Variants in PRKAA1 observed in about 807,000 individuals in gnomAD.
The protein encoded by PRKAA1 is 5'-AMP-activated protein kinase catalytic subunit alpha-1.
In PRKAA1, 23 loss-of-function variants were observed where a neutral mutation model predicts 56.9. The observed-to-expected ratio is 0.40, with a 90% CI of 0.29 to 0.57. The LOEUF (loss-of-function observed/expected upper bound fraction) is 0.57, where lower values mean the gene tolerates loss of function less well. PRKAA1 is among the 20% of genes least tolerant of loss of function. The probability of loss-of-function intolerance (pLI) is 0.39; values close to 1 mark genes in which losing one functional copy is unlikely to be tolerated. For missense variants in PRKAA1, 413 were observed against 679.7 expected (o/e 0.61, Z 4.36); for synonymous variants, 226 against 227.0 (o/e 1.00, Z 0.04).
chr5:40,781,134 G>A (rs914032163), intron 1 of PRKAA1, among the ~76,000 whole-genome samples: 1 of 152,064 alleles, frequency 6.6e-6, no homozygotes, highest in Non-Finnish European at 1.5e-5. Flanking sequence ...TTCAACATTT[G>A]GGATTTTAAT....
At position 40,768,533 on chromosome 5, in the gene PRKAA1, T is replaced by TA. The variant is rs1056117140; in HGVS notation, c.597-844dup. On this transcript the variant is annotated intron_variant, in intron 5 of 8. Transcript: ENST00000397128. ...TAATTTTTGACATTAAGTTAATATT[T>TA]AAAAAAAAGATGAAACTTGACAAAT... 71 of 974,496 alleles carry TA rather than the reference T, an allele frequency of 7.3e-5. 1 individual carries two copies. Among genetic ancestry groups the TA allele is most frequent in the East Asian group, 1.0e-4 (1 of 9,644 alleles). The allele number at this position is 974,496 out of a possible 1,614,324, so 60.4% of individuals were successfully genotyped here.
intron 3 of PRKAA1, among the ~76,000 whole-genome samples, chr5:40,773,117 TA>T (rs1743825527): frequency 6.6e-6 from 1 of 152,192 alleles, no homozygotes. Flanking sequence ...ATTAGCATTC[TA>T]AAACCAGACT....
At position 40,764,611 on chromosome 5, in the gene PRKAA1, T is replaced by C. The variant is rs1185703898; in HGVS notation, c.1338A>G (p.Arg446=). ...KVVNPYYLRV[R]RKNPVTSTYS... ...AAGTGCTTGTCACAGGATTCTTCCT[T>C]CGTACACGCAAATAATATGGGTTTA... Residue 446 remains arginine (R), a synonymous_variant, in exon 8 of 9, where the codon CGA becomes CGG. Coordinates refer to ENST00000397128, the MANE Select transcript of PRKAA1 (RefSeq NM_006251.6). 1.9e-6 allele frequency: 3 copies of C among 1,613,926 alleles called. No individual in the cohort carries two copies. Among genetic ancestry groups the C allele is most frequent in the Non-Finnish European group, 2.5e-6 (3 of 1,179,974 alleles).
At chr5:40,787,887 C>G (rs1420373380) in intron 1 of PRKAA1, among the ~76,000 whole-genome samples, 1 of 152,190 alleles carries the variant, frequency 6.6e-6, no homozygotes, top group Non-Finnish European at 1.5e-5. Flanking sequence ...CTCCAAACAA[C>G]AGGCATAGAG....
At chr5:40,783,499 C>G (rs1041320549) in intron 1 of PRKAA1, among the ~76,000 whole-genome samples, 3 of 152,134 alleles carry the variant, frequency 2.0e-5, no homozygotes, top group Non-Finnish European at 4.4e-5. Flanking sequence ...TGGCTCAAGC[C>G]TGTAATCCCA....
At chr5:40,783,706 C>T (rs1179287069) in intron 1 of PRKAA1, among the ~76,000 whole-genome samples, 2 of 151,882 alleles carry the variant, frequency 1.3e-5, no homozygotes, top group African/African-American at 4.8e-5. Context: ...TTACAGTGAG[C>T]GGAGATCATG....
At position 40,764,617 on chromosome 5, in the gene PRKAA1, A is replaced by G; in HGVS notation, c.1332T>C (p.Arg444=). The part of the protein sequence containing the change: ...EWKVVNPYYL[R]VRRKNPVTST... ...TTGTCACAGGATTCTTCCTTCGTAC[A>G]CGCAAATAATATGGGTTTACAACCT... The change falls in exon 8 of 9, where the codon CGT becomes CGC. Residue 444 remains arginine, a synonymous_variant. Coordinates refer to ENST00000397128, the MANE Select transcript of PRKAA1 (RefSeq NM_006251.6). The G allele has an allele frequency of 1.2e-6, 2 of 1,614,058 alleles. No individual in the cohort carries two copies. Among genetic ancestry groups the G allele is most frequent in the Non-Finnish European group, 1.7e-6 (2 of 1,179,978 alleles).
At chr5:40,796,727 G>A (rs964504344) in intron 1 of PRKAA1, among the ~76,000 whole-genome samples, 4 of 152,204 alleles carry the variant, frequency 2.6e-5, no homozygotes, top group Non-Finnish European at 4.4e-5. Context: ...AAAATGGCAA[G>A]AGAAGGAAGC....
intron 1 of PRKAA1, among the ~76,000 whole-genome samples, chr5:40,793,724 C>A (rs1744809168): frequency 6.6e-6 from 1 of 152,158 alleles, no homozygotes. Context: ...CACTGAGTAT[C>A]CATGTCCCCC....
intron 1 of PRKAA1, among the ~76,000 whole-genome samples, chr5:40,779,305 TCACAATCCCAAAAGAA>T (rs1246846877): frequency 6.6e-6 from 1 of 151,846 alleles, no homozygotes; most frequent in Non-Finnish European, 1.5e-5. Context: ...ATTCCAAAAA[TCACAATCCCAAAAGAA>T]CAAAATCCAA....
intron 2 of PRKAA1, chr5:40,777,157 C>T (rs546830304): frequency 1.3e-4 from 26 of 198,800 alleles, no homozygotes; most frequent in Non-Finnish European, 1.9e-4. Context: ...GTATTACAGG[C>T]GCCCACCACC....
rs1292741648 is a variant in PRKAA1 at position 40,760,146 on chromosome 5, A to G, written c.*2632T>C. 2 of 152,894 alleles carry G rather than the reference A, an allele frequency of 1.3e-5. No homozygotes were observed. The highest frequency in any genetic ancestry group is 4.8e-5 in the African/African-American group (2 of 41,576). The allele number at this position is 152,894 out of a possible 1,614,324, so 9.5% of individuals were successfully genotyped here. Reference sequence around the variant, plus strand: ...TTGCATTGCCTCCCTTACCTCTTCAATATTAGTAACAATTTGCAAACAACA... The same window carrying G: ...TTGCATTGCCTCCCTTACCTCTTCAGTATTAGTAACAATTTGCAAACAACA... On this transcript the variant is annotated 3_prime_UTR_variant, in exon 9 of 9. Coordinates refer to ENST00000397128, the MANE Select transcript of PRKAA1 (RefSeq NM_006251.6).
In PRKAA1 at chr5:40,759,521, G is replaced by A. The variant is rs1409216424; in HGVS notation, c.*3257C>T. ...CTACCTACCAACAATTTACAGTTAT[G>A]TTGTATGTGGAATTTCATTCTTGTC... On this transcript the variant is annotated 3_prime_UTR_variant, in exon 9 of 9. Transcript: ENST00000397128. The A allele has an allele frequency of 6.6e-6, 1 of 152,224 alleles. No individual in the cohort carries two copies. Among genetic ancestry groups the A allele is most frequent in the Non-Finnish European group, 1.5e-5 (1 of 68,024 alleles). 9.4% of individuals were successfully genotyped at this position (152,224 alleles called of 1,614,324 possible). A position where few individuals can be genotyped will look rare whatever the true frequency, so the allele number is the denominator to read the frequency against.
chr5:40,777,417 G>A (rs1228612246), intron 2 of PRKAA1, 28 bp downstream of exon 2: 31 of 1,553,780 alleles, frequency 2.0e-5, no homozygotes, highest in Non-Finnish European at 2.4e-5. Flanking sequence ...AAGATGACTG[G>A]ACTATATTTA....
At chr5:40,769,621 T>A in intron 4 of PRKAA1, 118 bp from the exon 5 acceptor site, 2 of 828,862 alleles carry the variant, frequency 2.4e-6, no homozygotes, top group Non-Finnish European at 3.9e-6. Context: ...GTTATTTGCT[T>A]CAACAAAATC....
chr5:40,791,452 A>C (rs1271709134), intron 1 of PRKAA1, among the ~76,000 whole-genome samples: 3 of 152,226 alleles, frequency 2.0e-5, no homozygotes, highest in African/African-American at 7.2e-5. Flanking sequence ...CAACCATGCT[A>C]TTGCTATCTA....
At chr5:40,790,538 T>G (rs200227180) in intron 1 of PRKAA1, among the ~76,000 whole-genome samples, 39 of 145,456 alleles carry the variant, frequency 2.7e-4, no homozygotes, top group South Asian at 1.3e-3. Flanking sequence ...TTTTTTTTTT[T>G]TTGTTGTTGT....
rs1275948869 is a variant in PRKAA1 at position 40,761,468 on chromosome 5, A to C, written c.*1310T>G. The C allele has an allele frequency of 6.6e-6, 1 of 152,202 alleles. No homozygotes were observed. Among genetic ancestry groups the C allele is most frequent in the African/African-American group, 2.4e-5 (1 of 41,466 alleles). The allele number at this position is 152,202 out of a possible 1,614,324, so 9.4% of individuals were successfully genotyped here. A position where few individuals can be genotyped will look rare whatever the true frequency, so the allele number is the denominator to read the frequency against. On this transcript the variant is annotated 3_prime_UTR_variant, in exon 9 of 9. Transcript: ENST00000397128. Reference sequence around the variant, plus strand: ...CATATATGCATATATATGCATAACTAGCTGTATCTATACATATATAGGTAT... The same window carrying C: ...CATATATGCATATATATGCATAACTCGCTGTATCTATACATATATAGGTAT...
At chr5:40,771,929 C>A in intron 3 of PRKAA1, 66 bp from the exon 4 acceptor site, 1 of 1,533,572 alleles carries the variant, frequency 6.5e-7, no homozygotes, top group Non-Finnish European at 8.8e-7. Flanking sequence ...ATCTATAATT[C>A]TCCAACCTAT....
Sources: allele counts gnomAD v4.1 joint callset (sites outside exome capture counted in the v4.1 genomes callset), GRCh38; gene constraint gnomAD v4.1.1; transcripts MANE v1.5; gene names NCBI Gene and HGNC (gene_info 2026-07-23, HGNC 2026-07-21).